The following PIK3R4 variants were observed in gnomAD, a reference collection of about 807,000 sequenced individuals.
The protein encoded by PIK3R4 is phosphoinositide-3-kinase regulatory subunit 4.
Under a neutral mutation model 136.5 loss-of-function variants are expected in PIK3R4, and 46 were observed. That is an observed-to-expected ratio of 0.34 (90% CI 0.27 to 0.43). The LOEUF (loss-of-function observed/expected upper bound fraction) is 0.43. Among genes scored for constraint, PIK3R4 ranks in the 20% least tolerant of loss-of-function variants. The pLI, the probability that PIK3R4 is intolerant of heterozygous loss-of-function variation, is 1.00. For synonymous variants in PIK3R4, 557 were observed against 566.7 expected, an observed-to-expected ratio of 0.98 and a Z score of 0.24; for missense variants, 1,331 against 1,649.5, an observed-to-expected ratio of 0.81 and a Z score of 3.35.
intron 7 of PIK3R4, among the ~76,000 whole-genome samples, chr3:130,722,248 C>T (rs2066705115): frequency 6.6e-6 from 1 of 152,042 alleles, no homozygotes. Context: ...GTTTTCATAT[C>T]AAATTCAGTT....
intron 14 of PIK3R4, among the ~76,000 whole-genome samples, chr3:130,689,511 A>T (rs1024288715): frequency 6.6e-6 from 1 of 152,250 alleles, no homozygotes; most frequent in Admixed American, 6.5e-5. Context: ...ATGTGTGGAA[A>T]ATCTTTTTAA....
intron 7 of PIK3R4, among the ~76,000 whole-genome samples, chr3:130,722,905 A>T (rs1320891815): frequency 6.7e-6 from 1 of 150,178 alleles, no homozygotes; most frequent in Non-Finnish European, 1.5e-5. Flanking sequence ...AAATACAAAA[A>T]AAAAAAAAAA....
At chr3:130,714,707 GT>G (rs2066652745) in intron 9 of PIK3R4, among the ~76,000 whole-genome samples, 1 of 151,780 alleles carries the variant, frequency 6.6e-6, no homozygotes, top group Admixed American at 6.6e-5. Context: ...GCAGTGTTTG[GT>G]TTTCTGTTCC....
Position 130,734,134 on chromosome 3 carries a change from T to A in PIK3R4, c.868-4A>T. The A allele has an allele frequency of 6.3e-7, 1 of 1,583,294 alleles. No homozygotes were observed. The highest frequency in any genetic ancestry group is 8.6e-7 in the Non-Finnish European group (1 of 1,165,552). On this transcript the variant is annotated splice_polypyrimidine_tract_variant and splice_region_variant and intron_variant, in intron 3 of 19. Transcript: ENST00000356763. Reference sequence around the variant, plus strand: ...CACGGTGAATCATCTGAGTTACCTATACCAAGGGAAGAAAAGGAATTAAAA... The same window carrying A: ...CACGGTGAATCATCTGAGTTACCTAAACCAAGGGAAGAAAAGGAATTAAAA...
Position 130,728,663 on chromosome 3 carries a change from A to G in PIK3R4, c.1607T>C (p.Met536Thr). Residue 536 changes from methionine to threonine, a missense_variant, in exon 6 of 20, where the codon ATG becomes ACG. Met to Thr is a moderately conservative substitution (Grantham distance 81). This residue lies in a region of PIK3R4 where 1,180 missense variants were observed against 1,407.0 expected (regional missense o/e 0.84). Transcript: ENST00000356763. ...YDTELQALHE[M>T]VQQKVVTLLS... is the part of the protein sequence containing the mutation. The stretch of plus-strand genomic sequence containing the variant: ...CAAAGTAACAACTTTCTGCTGGACC[A>G]TTTCATGTAAGGCTTGGAGCTCTAA... 1 of 1,556,018 alleles carries G rather than the reference A, an allele frequency of 6.4e-7. No homozygotes were observed. Among genetic ancestry groups the G allele is most frequent in the Admixed American group, 1.8e-5 (1 of 56,268 alleles).
chr3:130,687,093 A>T (rs1407000794), intron 14 of PIK3R4, among the ~76,000 whole-genome samples: 2 of 149,208 alleles, frequency 1.3e-5, no homozygotes, highest in Non-Finnish European at 3.0e-5. Context: ...TTTTAGCATG[A>T]AACATTTGCA....
chr3:130,695,689 A>T (rs1284787423), intron 13 of PIK3R4, among the ~76,000 whole-genome samples: 1 of 152,134 alleles, frequency 6.6e-6, no homozygotes, highest in Non-Finnish European at 1.5e-5. Context: ...AAAATATATT[A>T]TTGTAACTGT....
intron 13 of PIK3R4, among the ~76,000 whole-genome samples, chr3:130,698,339 G>A (rs1159535045): frequency 6.6e-6 from 1 of 152,156 alleles, no homozygotes; most frequent in Non-Finnish European, 1.5e-5. Context: ...ATGCATGTGT[G>A]AGAATGCTTG....
intron 11 of PIK3R4, among the ~76,000 whole-genome samples, chr3:130,706,423 T>C (rs758651738): frequency 7.9e-5 from 12 of 152,178 alleles, no homozygotes; most frequent in Non-Finnish European, 1.6e-4. Context: ...AAAAATGGGA[T>C]GGCTATATGG....
intron 19 of PIK3R4, among the ~76,000 whole-genome samples, chr3:130,679,805 C>T (rs1005034782): frequency 4.6e-5 from 7 of 152,074 alleles, no homozygotes; most frequent in African/African-American, 9.7e-5. Context: ...AGGCCAGGCG[C>T]GGTGGGTCAC....
At chr3:130,682,550 G>A (rs1304977554) in intron 16 of PIK3R4, among the ~76,000 whole-genome samples, 2 of 151,986 alleles carry the variant, frequency 1.3e-5, no homozygotes, top group African/African-American at 2.4e-5. Context: ...AGGGAGGGAG[G>A]GAAGAAAGTC....
intron 9 of PIK3R4, among the ~76,000 whole-genome samples, chr3:130,716,134 AT>A (rs1254167924): frequency 6.6e-6 from 1 of 152,176 alleles, no homozygotes; most frequent in Non-Finnish European, 1.5e-5. Flanking sequence ...TCTTTCCCTC[AT>A]TTATTTAGCC....
At chr3:130,712,933 T>C (rs1320244794) in intron 9 of PIK3R4, among the ~76,000 whole-genome samples, 1 of 152,198 alleles carries the variant, frequency 6.6e-6, no homozygotes, top group Non-Finnish European at 1.5e-5. Flanking sequence ...CAGCACAGTG[T>C]AGGAGTGTAG....
At chr3:130,683,313 A>T (rs1439440177) in intron 16 of PIK3R4, among the ~76,000 whole-genome samples, 1 of 152,204 alleles carries the variant, frequency 6.6e-6, no homozygotes, top group Non-Finnish European at 1.5e-5. Flanking sequence ...TAAATTTAGT[A>T]GTTAAAGCAT....
At chr3:130,710,244 G>A (rs1368690556) in intron 9 of PIK3R4, among the ~76,000 whole-genome samples, 1 of 151,804 alleles carries the variant, frequency 6.6e-6, no homozygotes, top group Non-Finnish European at 1.5e-5. Flanking sequence ...GATACAATAT[G>A]ACAAAGCTGT....
At chr3:130,681,405 A>G (rs1319838233) in intron 17 of PIK3R4, 86 bp downstream of exon 17, 1 of 902,632 alleles carries the variant, frequency 1.1e-6, no homozygotes, top group Non-Finnish European at 1.8e-6. Flanking sequence ...CAAAAGCCCA[A>G]CAGATACTAG....
chr3:130,684,473 T>C, intron 15 of PIK3R4, 92 bp from the exon 16 acceptor site: 4 of 1,160,578 alleles, frequency 3.4e-6, no homozygotes, highest in Non-Finnish European at 4.9e-6. Context: ...TAGCTTTTTA[T>C]GAATTTATTT....
chr3:130,689,652 G>A (rs1056473456), intron 14 of PIK3R4, among the ~76,000 whole-genome samples: 5 of 152,248 alleles, frequency 3.3e-5, no homozygotes, highest in African/African-American at 7.2e-5. Flanking sequence ...CTTCTGTGGG[G>A]TCCACCACCT....
chr3:130,714,358 T>C (rs537430771), intron 9 of PIK3R4, among the ~76,000 whole-genome samples: 2 of 152,184 alleles, frequency 1.3e-5, no homozygotes, highest in African/African-American at 2.4e-5. Flanking sequence ...AAGTTCCACA[T>C]ACCCCTCATA....
Sources: allele counts gnomAD v4.1 joint callset (sites outside exome capture counted in the v4.1 genomes callset), GRCh38; gene constraint gnomAD v4.1.1; regional missense constraint gnomAD v4.1.1; transcripts MANE v1.5; gene names NCBI Gene and HGNC (gene_info 2026-07-23, HGNC 2026-07-21).